PEX5L: variants seen among roughly 807,000 people sequenced by gnomAD.
PEX5L encodes PEX5-related protein.
Under a neutral mutation model 84.0 loss-of-function variants are expected in PEX5L, and 30 were observed. The ratio of observed to expected loss-of-function variants is 0.36; its 90% CI spans 0.27 to 0.48. The LOEUF (loss-of-function observed/expected upper bound fraction) is 0.48. PEX5L is among the 20% of genes least tolerant of loss of function. PEX5L has a pLI of 0.99. For synonymous variants in PEX5L, 270 were observed against 283.1 expected, an observed-to-expected ratio of 0.95 and a Z score of 0.46; for missense variants, 533 against 754.6, an observed-to-expected ratio of 0.71 and a Z score of 3.44.
At chr3:179,907,748 T>G (rs756310064) in intron 2 of PEX5L, among the ~76,000 whole-genome samples, 1 of 152,208 alleles carries the variant, frequency 6.6e-6, no homozygotes, top group Admixed American at 6.5e-5. Flanking sequence ...AGGAAGGCAA[T>G]TAACTAGTGA....
intron 8 of PEX5L, among the ~76,000 whole-genome samples, chr3:179,853,502 G>C (rs1387824955): frequency 6.6e-6 from 1 of 152,136 alleles, no homozygotes; most frequent in African/African-American, 2.4e-5. Context: ...AGGCAGCTTT[G>C]GGCCTCACTG....
chr3:179,888,285 C>T, intron 3 of PEX5L: 1 of 455,230 alleles, frequency 2.2e-6, no homozygotes, highest in Non-Finnish European at 4.0e-6. Context: ...AAGCTCAGGT[C>T]ACCTAAAAAC....
intron 1 of PEX5L, among the ~76,000 whole-genome samples, chr3:180,019,394 T>C (rs1237436763): frequency 1.3e-5 from 2 of 152,188 alleles, no homozygotes; most frequent in African/African-American, 4.8e-5. Flanking sequence ...TGTCCCAAGG[T>C]ATTAAATTTG....
intron 2 of PEX5L, among the ~76,000 whole-genome samples, chr3:179,923,251 A>ACTGCACTC (rs1305779674): frequency 1.4e-5 from 2 of 141,666 alleles, no homozygotes; most frequent in Non-Finnish European, 3.0e-5. Context: ...AGATCGCGCC[A>ACTGCACTC]CTGCACTCCA....
At chr3:179,992,696 A>G (rs991178218) in intron 1 of PEX5L, among the ~76,000 whole-genome samples, 1 of 152,212 alleles carries the variant, frequency 6.6e-6, no homozygotes, top group African/African-American at 2.4e-5. Context: ...CCAGAAATGG[A>G]GCAATTAAAG....
intron 8 of PEX5L, among the ~76,000 whole-genome samples, chr3:179,849,010 C>A (rs989169282): frequency 6.6e-6 from 1 of 152,116 alleles, no homozygotes; most frequent in African/African-American, 2.4e-5. Context: ...GAACAGGGGA[C>A]CCTGGATAAT....
At chr3:179,845,015 C>T (rs1738774444) in intron 8 of PEX5L, among the ~76,000 whole-genome samples, 1 of 152,094 alleles carries the variant, frequency 6.6e-6, no homozygotes, top group South Asian at 2.1e-4. Flanking sequence ...CTTTTTTTCA[C>T]ATTTACGTTT....
intron 1 of PEX5L, chr3:179,973,379 C>T (rs1346893227): frequency 3.6e-6 from 4 of 1,123,750 alleles, no homozygotes. Context: ...GAATCATTGT[C>T]TTGACTTTGT....
chr3:179,918,288 G>T (rs1438448119), intron 2 of PEX5L, among the ~76,000 whole-genome samples: 2 of 152,062 alleles, frequency 1.3e-5, no homozygotes, highest in Non-Finnish European at 2.9e-5. Context: ...TCTTCTCCTT[G>T]AGCAAAAGCA....
chr3:179,948,486 G>A (rs1305237904), intron 2 of PEX5L, among the ~76,000 whole-genome samples: 1 of 152,230 alleles, frequency 6.6e-6, no homozygotes, highest in Non-Finnish European at 1.5e-5. Context: ...TGACCGAGTT[G>A]TCATCTGACC....
chr3:179,830,287 C>G (rs192921382), intron 8 of PEX5L, among the ~76,000 whole-genome samples: 1 of 128,654 alleles, frequency 7.8e-6, no homozygotes, highest in Non-Finnish European at 1.5e-5. Flanking sequence ...CCTCCCCCGC[C>G]CCCCCCCTTT....
Position 179,801,668 on chromosome 3 carries a change from G to A in PEX5L, c.*160C>T, listed in dbSNP as rs1718889837. The A allele has an allele frequency of 3.2e-6, 2 of 626,870 alleles. No individual in the cohort carries two copies. The highest frequency in any genetic ancestry group is 5.7e-6 in the Non-Finnish European group (2 of 353,710). The allele number at this position is 626,870 out of a possible 1,614,324, so 38.8% of individuals were successfully genotyped here. A position where few individuals can be genotyped will look rare whatever the true frequency, so the allele number is the denominator to read the frequency against. ...CATTTTGTGCTTTTGGATCTGAACA[G>A]AGACTGGGCATTGTCCACAGGAATT... On this transcript the variant is annotated 3_prime_UTR_variant, in exon 15 of 15. Transcript: ENST00000467460.
chr3:179,890,456 A>T (rs1258897713), intron 3 of PEX5L, among the ~76,000 whole-genome samples: 1 of 152,248 alleles, frequency 6.6e-6, no homozygotes, highest in African/African-American at 2.4e-5. Context: ...TGACTTTCAA[A>T]GTATGAATAT....
intron 8 of PEX5L, among the ~76,000 whole-genome samples, chr3:179,822,267 G>A (rs928449157): frequency 2.6e-5 from 4 of 152,202 alleles, no homozygotes; most frequent in African/African-American, 9.7e-5. Flanking sequence ...CATATTACAA[G>A]TCTTCTGCAT....
intron 10 of PEX5L, among the ~76,000 whole-genome samples, chr3:179,814,737 C>T (rs1725379412): frequency 6.6e-6 from 1 of 152,128 alleles, no homozygotes. Flanking sequence ...CTTCTCATCT[C>T]GGAGAAAGGG....
intron 4 of PEX5L, among the ~76,000 whole-genome samples, chr3:179,883,513 G>C (rs1754803463): frequency 6.6e-6 from 1 of 152,240 alleles, no homozygotes; most frequent in Admixed American, 6.5e-5. Flanking sequence ...ACTGAGTGCA[G>C]TGGCTCATGC....
At chr3:179,969,950 G>C (rs1049686589) in intron 2 of PEX5L, among the ~76,000 whole-genome samples, 3 of 151,796 alleles carry the variant, frequency 2.0e-5, no homozygotes, top group African/African-American at 7.3e-5. Context: ...AATGTGTTTA[G>C]TCACAACAAT....
chr3:179,923,508 T>C (rs1174000934), intron 2 of PEX5L, among the ~76,000 whole-genome samples: 2 of 152,164 alleles, frequency 1.3e-5, no homozygotes, highest in Non-Finnish European at 2.9e-5. Flanking sequence ...CAAATACTTA[T>C]AGCCCACTCT....
intron 5 of PEX5L, among the ~76,000 whole-genome samples, chr3:179,876,825 T>G (rs1752584725): frequency 6.7e-6 from 1 of 149,922 alleles, no homozygotes; most frequent in Non-Finnish European, 1.5e-5. Context: ...AATCCTCCAA[T>G]CCAGGTTGAT....
Sources: allele counts gnomAD v4.1 joint callset (sites outside exome capture counted in the v4.1 genomes callset), GRCh38; gene constraint gnomAD v4.1.1; transcripts MANE v1.5; gene names NCBI Gene and HGNC (gene_info 2026-07-23, HGNC 2026-07-21).